Variants in NLRC4 observed in about 807,000 individuals in gnomAD.
NLRC4 encodes the protein NLR family CARD domain-containing protein 4.
In NLRC4, 63 loss-of-function variants were observed where a neutral mutation model predicts 79.9. The ratio of observed to expected loss-of-function variants is 0.79; its 90% CI spans 0.64 to 0.97. The LOEUF is 0.97. Among genes scored for constraint, NLRC4 ranks in the 50% least tolerant of loss-of-function variants. The pLI is 0.00. For synonymous variants in NLRC4, 461 were observed against 456.5 expected (o/e 1.01, Z -0.12); for missense variants, 1,074 against 1,215.2 (o/e 0.88, Z 1.73).
intron 1 of NLRC4, among the ~76,000 whole-genome samples, chr2:32,264,155 G>A (rs1254755876): frequency 6.6e-6 from 1 of 151,952 alleles, no homozygotes; most frequent in Non-Finnish European, 1.5e-5. Flanking sequence ...GAGTTTCCTG[G>A]CCGGGCACGT....
intron 6 of NLRC4, 122 bp downstream of exon 6, chr2:32,238,009 GT>G: frequency 1.5e-6 from 1 of 671,712 alleles, no homozygotes; most frequent in Non-Finnish European, 2.3e-6. Context: ...TTATCGAGAA[GT>G]TTTTATTTTC....
chr2:32,261,945 G>A lies in NLRC4; in HGVS notation c.-119+2793C>T, dbSNP rs577227771. 5.9e-5 allele frequency among the ~76,000 whole-genome samples: 9 copies of A among 152,054 alleles called. No homozygotes were observed. The East Asian group carries it at 1.2e-3, about 20-fold the overall frequency. ...AAAATACAAGAATTAGCCAGGCGTG[G>A]TGGCAGGCGCCTGTACTCCCAGCTA... is the stretch of plus-strand genomic sequence containing the variant. On this transcript the variant is annotated intron_variant, in intron 1 of 8. Coordinates refer to ENST00000402280, the MANE Select transcript of NLRC4 (RefSeq NM_001199138.2).
At chr2:32,238,645 T>A (rs965111011) in intron 5 of NLRC4, among the ~76,000 whole-genome samples, 2 of 129,968 alleles carry the variant, frequency 1.5e-5, no homozygotes, top group African/African-American at 5.9e-5. Flanking sequence ...CTTTCAATCT[T>A]CTCAAAAATC....
chr2:32,226,887 AAAG>A (rs1686412494), intron 8 of NLRC4, among the ~76,000 whole-genome samples: 2 of 152,282 alleles, frequency 1.3e-5, no homozygotes, highest in South Asian at 4.1e-4. Context: ...TCAAAAAAAA[AAAG>A]AGAAGAAAAG....
chr2:32,241,447 G>T (rs954630346), intron 4 of NLRC4, among the ~76,000 whole-genome samples: 52 of 134,080 alleles, frequency 3.9e-4, no homozygotes, highest in African/African-American at 1.5e-3. Context: ...CGCAATCTCA[G>T]CTCACTGCCA....
intron 8 of NLRC4, among the ~76,000 whole-genome samples, chr2:32,225,408 G>GAT (rs2148928260): frequency 1.4e-5 from 1 of 71,092 alleles, no homozygotes; most frequent in East Asian, 3.2e-4. Context: ...ACATACAAAG[G>GAT]ATGTGTGTGT....
intron 2 of NLRC4, among the ~76,000 whole-genome samples, chr2:32,253,013 G>A (rs1356719301): frequency 1.3e-5 from 2 of 151,036 alleles, no homozygotes; most frequent in African/African-American, 4.9e-5. Context: ...GCGAGACTCC[G>A]TCTAAAAAAA....
intron 8 of NLRC4, among the ~76,000 whole-genome samples, chr2:32,233,190 A>AAGGG (rs1686586579): frequency 1.9e-5 from 1 of 51,744 alleles, no homozygotes; most frequent in African/African-American, 8.0e-5. Context: ...GGAAGGAAGG[A>AAGGG]AGGAAGGGAG....
intron 5 of NLRC4, 106 bp downstream of exon 5, chr2:32,240,927 T>C (rs1367708323): frequency 2.9e-6 from 2 of 691,922 alleles, no homozygotes; most frequent in Non-Finnish European, 5.0e-6. Context: ...CACAAGTACA[T>C]AAAAACATCC....
rs57570626 is a variant in NLRC4 at position 32,259,262 on chromosome 2, A to ATTTTTTTTTTTT, written c.-118-2381_-118-2370dup. Among the ~76,000 whole-genome samples the ATTTTTTTTTTTT allele has an allele frequency of 1.5e-4, 8 of 52,892 alleles. 1 individual carries two copies. Among genetic ancestry groups the ATTTTTTTTTTTT allele is most frequent in the Admixed American group, 2.2e-4 (1 of 4,546 alleles). 34.7% of individuals were successfully genotyped at this position (52,892 alleles called of 152,430 possible). The stretch of plus-strand genomic sequence containing the variant: ...AGGTGTGTGCCACCATGCCTGGCTA[A>ATTTTTTTTTTTT]TTTTTTTTTTTTTTTTTTTTTTTTT... On this transcript the variant is annotated intron_variant, in intron 1 of 8. Coordinates refer to ENST00000402280, the MANE Select transcript of NLRC4 (RefSeq NM_001199138.2).
chr2:32,257,371 G>A (rs1449409632), intron 1 of NLRC4, among the ~76,000 whole-genome samples: 1 of 152,236 alleles, frequency 6.6e-6, no homozygotes, highest in Non-Finnish European at 1.5e-5. Context: ...ACTTTGGGAG[G>A]CCGAGGCAGG....
intron 4 of NLRC4, among the ~76,000 whole-genome samples, chr2:32,243,105 GGAAAA>G (rs1558452716): frequency 1.3e-5 from 2 of 151,344 alleles, no homozygotes; most frequent in East Asian, 2.0e-4. Flanking sequence ...AGGGAAGGAC[GGAAAA>G]GAAAAGAAAG....
intron 5 of NLRC4, among the ~76,000 whole-genome samples, chr2:32,240,442 G>T (rs1686772031): frequency 6.6e-6 from 1 of 151,768 alleles, no homozygotes; most frequent in Non-Finnish European, 1.5e-5. Context: ...GAGAAAACAG[G>T]GACATTCAAG....
chr2:32,249,582 C>T, intron 4 of NLRC4, 25 bp downstream of exon 4: 1 of 1,510,800 alleles, frequency 6.6e-7, no homozygotes, highest in South Asian at 1.3e-5. Flanking sequence ...GTGAACAAAG[C>T]ACAAACCACT....
chr2:32,261,316 C>CCTTTTTTTTTTTTTTTTTTTTTTTTTTTT lies in NLRC4; in HGVS notation c.-119+3421_-119+3422insAAAAAAAAAAAAAAAAAAAAAAAAAAAAG. Among the ~76,000 whole-genome samples the CCTTTTTTTTTTTTTTTTTTTTTTTTTTTT allele has an allele frequency of 1.7e-4, 16 of 96,920 alleles. 1 individual carries two copies. Among genetic ancestry groups the CCTTTTTTTTTTTTTTTTTTTTTTTTTTTT allele is most frequent in the African/African-American group, 4.5e-4 (11 of 24,222 alleles). 63.6% of individuals were successfully genotyped at this position (96,920 alleles called of 152,430 possible). ...TTCTTTCGCCTATTAAGCCTCCCCC[C>CCTTTTTTTTTTTTTTTTTTTTTTTTTTTT]TTTTGTTTTTTTTTGAGATGGAGCC... is the stretch of plus-strand genomic sequence containing the variant. On this transcript the variant is annotated intron_variant, in intron 1 of 8. Coordinates refer to ENST00000402280, the MANE Select transcript of NLRC4 (RefSeq NM_001199138.2).
At chr2:32,261,179 C>A (rs968703084) in intron 1 of NLRC4, among the ~76,000 whole-genome samples, 1 of 148,466 alleles carries the variant, frequency 6.7e-6, no homozygotes, top group Admixed American at 6.8e-5. Flanking sequence ...GGCGACAGAG[C>A]GAGACTCCAT....
chr2:32,259,287 T>TTTTTTTTTTTTTTTTTTTTTTTTTC (rs1283926253), intron 1 of NLRC4, among the ~76,000 whole-genome samples: 1 of 135,412 alleles, frequency 7.4e-6, no homozygotes, highest in African/African-American at 2.9e-5. Context: ...TTTTTTTTTT[T>TTTTTTTTTTTTTTTTTTTTTTTTTC]TTTAGAGACA....
intron 1 of NLRC4, 62 bp from the exon 2 acceptor site, chr2:32,256,955 G>A: frequency 1.8e-6 from 1 of 544,842 alleles, no homozygotes. Flanking sequence ...CAATTATCTA[G>A]GTAATGCCCC....
At chr2:32,258,693 G>A (rs1687267250) in intron 1 of NLRC4, among the ~76,000 whole-genome samples, 1 of 152,160 alleles carries the variant, frequency 6.6e-6, no homozygotes, top group African/African-American at 2.4e-5. Flanking sequence ...TTAAAGTGAT[G>A]TTTTAAGATA....
Sources: allele counts gnomAD v4.1 joint callset (sites outside exome capture counted in the v4.1 genomes callset), GRCh38; gene constraint gnomAD v4.1.1; transcripts MANE v1.5; gene names NCBI Gene and HGNC (gene_info 2026-07-23, HGNC 2026-07-21).